MYOM1: variants seen among roughly 807,000 people sequenced by gnomAD.
MYOM1 encodes myomesin 1, also known as myomesin-1.
Under a neutral mutation model 205.3 loss-of-function variants are expected in MYOM1, and 164 were observed. The observed-to-expected ratio is 0.80, with a 90% CI of 0.70 to 0.91. MYOM1 has a LOEUF of 0.91. MYOM1 is among the 40% of genes least tolerant of loss of function. MYOM1 has a pLI of 0.00. For missense variants in MYOM1, 2,011 were observed against 2,127.3 expected (o/e 0.95, Z 1.08); for synonymous variants, 772 against 789.4 (o/e 0.98, Z 0.37).
intron 22 of MYOM1, among the ~76,000 whole-genome samples, chr18:3,111,259 T>C (rs373042492): frequency 1.4e-3 from 214 of 151,004 alleles, no homozygotes; most frequent in Non-Finnish European, 2.6e-3. Flanking sequence ...CTTTCCTTTA[T>C]GTAACTTTAA....
intron 5 of MYOM1, among the ~76,000 whole-genome samples, chr18:3,177,128 A>C (rs1567951695): frequency 6.6e-6 from 1 of 151,840 alleles, no homozygotes; most frequent in Non-Finnish European, 1.5e-5. Context: ...AGTCCCAACT[A>C]CTTTGGAGGC....
rs142047276 is a variant in MYOM1, at chr18:3,085,798, T to C, written c.4251+240A>G. The stretch of plus-strand genomic sequence containing the variant: ...GAAGAATGATCCACTTCACTGCCCA[T>C]ATATGGATAAAAGCAACTCAGAAAA... On this transcript the variant is annotated intron_variant, in intron 30 of 37. Coordinates refer to ENST00000356443, the MANE Select transcript of MYOM1 (RefSeq NM_003803.4). Among the ~76,000 whole-genome samples, 1,842 of 152,278 alleles carry C rather than the reference T, an allele frequency of 0.012. 13 individuals carry two copies. The highest frequency in any genetic ancestry group is 0.021 in the South Asian group (102 of 4,822).
intron 6 of MYOM1, among the ~76,000 whole-genome samples, chr18:3,174,749 C>T (rs889720305): frequency 3.3e-5 from 5 of 151,008 alleles, no homozygotes; most frequent in Non-Finnish European, 5.9e-5. Flanking sequence ...CTCCCTGAGC[C>T]ACGTTGGTCT....
chr18:3,154,007 G>T (rs76001758), intron 11 of MYOM1, among the ~76,000 whole-genome samples: 1 of 152,124 alleles, frequency 6.6e-6, no homozygotes, highest in Non-Finnish European at 1.5e-5. Flanking sequence ...ATATAGACAA[G>T]AACTTATAGA....
chr18:3,178,064 T>C (rs1710818912), intron 5 of MYOM1, among the ~76,000 whole-genome samples: 2 of 152,322 alleles, frequency 1.3e-5, no homozygotes, highest in South Asian at 2.1e-4. Context: ...CCAGTGGCTA[T>C]GGTGCTGGAC....
intron 2 of MYOM1, among the ~76,000 whole-genome samples, chr18:3,206,468 T>C (rs915824665): frequency 6.6e-6 from 1 of 152,186 alleles, no homozygotes; most frequent in African/African-American, 2.4e-5. Flanking sequence ...ATTACATCTC[T>C]CATCTTTAGG....
chr18:3,090,746 C>T lies in MYOM1; in HGVS notation c.3921G>A (p.Lys1307=), dbSNP rs771200019. Residue 1307 remains lysine, a synonymous_variant, in exon 27 of 38, where the codon AAG becomes AAA. Transcript: ENST00000356443. The part of the protein sequence containing the change: ...NTGIIEMFME[K]LQDEDEGTYT... ...ACGTTCCCTCATCCTCATCCTGTAGCTTTTCCATGAACATTTCGATGATGC... is the reference window on the plus strand; with the variant it reads ...ACGTTCCCTCATCCTCATCCTGTAGTTTTTCCATGAACATTTCGATGATGC... 1.9e-6 allele frequency: 3 copies of T among 1,613,936 alleles called. No homozygotes were observed. The highest frequency in any genetic ancestry group is 1.1e-5 in the South Asian group (1 of 91,076).
At position 3,118,961 on chromosome 18, in the gene MYOM1, A is replaced by T. The variant is rs115293117; in HGVS notation, c.3118+908T>A. ...TCTTCAAGGGCAAAGGGTTTCAAAC[A>T]GAGGAAGCAAGAGGCACCAGGGACA... On this transcript the variant is annotated intron_variant, in intron 20 of 37. Transcript: ENST00000356443. Among the ~76,000 whole-genome samples, 595 of 152,346 alleles carry T rather than the reference A, an allele frequency of 3.9e-3. 2 individuals carry two copies. The highest frequency in any genetic ancestry group is 0.014 in the African/African-American group (570 of 41,574).
At chr18:3,226,082 C>T in the MYOM1 span, among the ~76,000 whole-genome samples, 1 of 152,330 alleles carries the variant, frequency 6.6e-6, no homozygotes, top group African/African-American at 2.4e-5. The surrounding 1 kb of genome is among the most constrained non-coding windows in gnomAD (Gnocchi z 4.6). Context: ...AACCAAACTA[C>T]TGGAGAATCA....
chr18:3,075,001 G>GC (rs913587829), intron 36 of MYOM1, among the ~76,000 whole-genome samples: 1 of 152,100 alleles, frequency 6.6e-6, no homozygotes, highest in Admixed American at 6.6e-5. Context: ...TGCCATGTTG[G>GC]CCAGACTGGT....
intron 37 of MYOM1, among the ~76,000 whole-genome samples, chr18:3,068,977 G>A (rs889847586): frequency 2.0e-5 from 3 of 151,998 alleles, no homozygotes; most frequent in Admixed American, 2.0e-4. Flanking sequence ...GTCTCATTAT[G>A]TTGACCAGGC....
chr18:3,159,285 G>C (rs1441955522), intron 10 of MYOM1, among the ~76,000 whole-genome samples: 1 of 152,138 alleles, frequency 6.6e-6, no homozygotes, highest in Non-Finnish European at 1.5e-5. Flanking sequence ...TCTTTACAAT[G>C]TGTTTCTGCA....
chr18:3,203,212 T>G (rs2081088578), intron 2 of MYOM1, among the ~76,000 whole-genome samples: 1 of 150,632 alleles, frequency 6.6e-6, no homozygotes, highest in African/African-American at 2.4e-5. Flanking sequence ...AACTAATAAT[T>G]TAAGCTTCCA....
intron 36 of MYOM1, among the ~76,000 whole-genome samples, chr18:3,073,396 C>T (rs191918645): frequency 6.6e-6 from 1 of 152,328 alleles, no homozygotes; most frequent in Admixed American, 6.5e-5. Flanking sequence ...TTTCGGCCTG[C>T]TTCAATTAAT....
intron 6 of MYOM1, among the ~76,000 whole-genome samples, chr18:3,175,301 T>C (rs2080621856): frequency 6.6e-6 from 1 of 152,198 alleles, no homozygotes; most frequent in Non-Finnish European, 1.5e-5. Flanking sequence ...ATGAATGGTA[T>C]AAATTTCACC....
At chr18:3,090,081 C>G (rs192607230) in intron 27 of MYOM1, among the ~76,000 whole-genome samples, 10 of 152,220 alleles carry the variant, frequency 6.6e-5, no homozygotes, top group Admixed American at 1.3e-4. Context: ...AGAATTTTAG[C>G]AATAAACATT....
chr18:3,149,348 A>G, intron 12 of MYOM1, 147 bp from the exon 13 acceptor site: 1 of 624,498 alleles, frequency 1.6e-6, no homozygotes, highest in East Asian at 2.8e-5. Context: ...GGTATCAATC[A>G]TGTAGAGGGC....
intron 34 of MYOM1, 80 bp downstream of exon 34, chr18:3,079,099 C>T: frequency 6.8e-7 from 1 of 1,470,044 alleles, no homozygotes; most frequent in Non-Finnish European, 9.3e-7. Flanking sequence ...AGGCATAAGC[C>T]ACCATGCCCA....
In MYOM1 at chr18:3,131,438, T is replaced by C. The variant is rs1408526808; in HGVS notation, c.2443A>G (p.Asn815Asp). 1.2e-6 allele frequency: 2 copies of C among 1,613,938 alleles called. No individual in the cohort carries two copies. The highest frequency in any genetic ancestry group is 1.3e-5 in the African/African-American group (1 of 75,068). Reference protein sequence around the residue: ...QSYIFRVRAVNAAGLSEYSQD... With the variant: ...QSYIFRVRAVDAAGLSEYSQD... ...GAATATTCACTAAGTCCAGCTGCAT[T>C]GACTGCTCTGACCCGGAAAATATAA... Residue 815 changes from asparagine to aspartate, a missense_variant, in exon 17 of 38, where the codon AAT becomes GAT. Transcript: ENST00000356443.
Sources: allele counts gnomAD v4.1 joint callset (sites outside exome capture counted in the v4.1 genomes callset), GRCh38; gene constraint gnomAD v4.1.1; non-coding constraint Gnocchi (gnomAD v3.1); transcripts MANE v1.5; gene names NCBI Gene and HGNC (gene_info 2026-07-23, HGNC 2026-07-21).